ERCC6L2: variants seen among roughly 807,000 people sequenced by gnomAD.
ERCC6L2 encodes the protein ERCC excision repair 6 like 2, also known as DNA excision repair protein ERCC-6-like 2.
A neutral mutation model predicts 132.0 loss-of-function variants in ERCC6L2; 77 were observed. The observed-to-expected ratio is 0.58, with a 90% CI of 0.49 to 0.71. ERCC6L2 has a LOEUF of 0.71. Ranked by LOEUF, ERCC6L2 falls within the 30% of genes least tolerant of loss-of-function variation. The pLI is 0.00. For synonymous variants in ERCC6L2, 583 were observed against 632.4 expected, an observed-to-expected ratio of 0.92 and a Z score of 1.17; for missense variants, 1,542 against 1,837.6, an observed-to-expected ratio of 0.84 and a Z score of 2.94.
chr9:95,920,310 G>A (rs1360481085), intron 6 of ERCC6L2, among the ~76,000 whole-genome samples: 2 of 152,044 alleles, frequency 1.3e-5, no homozygotes, highest in Non-Finnish European at 2.9e-5. Flanking sequence ...TCAATATGAA[G>A]CCCTTTATGA....
intron 17 of ERCC6L2, among the ~76,000 whole-genome samples, chr9:95,995,740 ATATC>A (rs1564292540): frequency 6.6e-6 from 1 of 152,168 alleles, no homozygotes; most frequent in African/African-American, 2.4e-5. Flanking sequence ...CGTTATTATT[ATATC>A]TGTTAAGGTG....
Position 96,013,990 on chromosome 9 carries a change from T to A in ERCC6L2, c.*787T>A, listed in dbSNP as rs1652025491. The A allele has an allele frequency of 6.6e-6, 1 of 152,236 alleles. No homozygotes were observed. Among genetic ancestry groups the A allele is most frequent in the African/African-American group, 2.4e-5 (1 of 41,458 alleles). 9.4% of individuals were successfully genotyped at this position (152,236 alleles called of 1,614,324 possible). ...AAACTTTTTATTTTGTTAGAAACTG[T>A]TATATTTTGAGTGTAATATTTATGG... is the stretch of plus-strand genomic sequence containing the variant. On this transcript the variant is annotated 3_prime_UTR_variant, in exon 19 of 19. Coordinates refer to ENST00000653738, the MANE Select transcript of ERCC6L2 (RefSeq NM_020207.7).
At position 96,001,797 on chromosome 9, in the gene ERCC6L2, G is replaced by A. The variant is rs975001428; in HGVS notation, c.3493-2723G>A. On this transcript the variant is annotated intron_variant, in intron 17 of 18. Coordinates refer to ENST00000653738, the MANE Select transcript of ERCC6L2 (RefSeq NM_020207.7). ...GGCGCTCGTCGGGGAGGCTTGGGCC[G>A]CACAGGAGCCCATGGAGTGGGTGGG... Among the ~76,000 whole-genome samples, 46 of 152,356 alleles carry A rather than the reference G, an allele frequency of 3.0e-4. 1 individual carries two copies. In the Middle Eastern group the frequency reaches 0.014, roughly 45 times the overall value.
intron 4 of ERCC6L2, among the ~76,000 whole-genome samples, chr9:95,913,460 C>T (rs1038770740): frequency 3.0e-5 from 4 of 133,116 alleles, no homozygotes; most frequent in Admixed American, 7.8e-5. Flanking sequence ...CTTGCTTGCC[C>T]GCTTGCTTGC....
intron 6 of ERCC6L2, among the ~76,000 whole-genome samples, chr9:95,919,555 T>A (rs1466400109): frequency 6.6e-6 from 1 of 152,172 alleles, no homozygotes; most frequent in African/African-American, 2.4e-5. Context: ...TAAGGACCTT[T>A]AAGGCTCATT....
chr9:95,881,373 G>A, intron 2 of ERCC6L2, 80 bp downstream of exon 2: 1 of 1,103,376 alleles, frequency 9.1e-7, no homozygotes, highest in Non-Finnish European at 1.2e-6. Context: ...TATTTGTACT[G>A]CTGTTACGAT....
At chr9:96,022,601 A>G (rs1834309947), downstream of ERCC6L2, among the ~76,000 whole-genome samples, 1 of 152,114 alleles carries the variant, frequency 6.6e-6, no homozygotes, top group South Asian at 2.1e-4. Flanking sequence ...GACCCTTCCT[A>G]ACTGGGGTGG....
chr9:95,965,359 G>T (rs968968354), intron 13 of ERCC6L2, among the ~76,000 whole-genome samples: 1 of 152,034 alleles, frequency 6.6e-6, no homozygotes, highest in Non-Finnish European at 1.5e-5. Flanking sequence ...ATGATATAAG[G>T]TTGTAAGGAT....
chr9:95,967,870 T>C (rs917348194), intron 14 of ERCC6L2: 2 of 152,164 alleles, frequency 1.3e-5, no homozygotes, highest in Admixed American at 1.3e-4. Flanking sequence ...ACCCAGCTGC[T>C]ACCTCCATCT....
downstream of ERCC6L2, among the ~76,000 whole-genome samples, chr9:96,019,577 C>T (rs556460507): frequency 6.6e-6 from 1 of 152,206 alleles, no homozygotes; most frequent in Non-Finnish European, 1.5e-5. Context: ...GACCTGCCCA[C>T]TGTTGCCTGA....
intron 12 of ERCC6L2, among the ~76,000 whole-genome samples, chr9:95,948,004 G>A (rs1831144534): frequency 6.6e-6 from 1 of 152,220 alleles, no homozygotes; most frequent in Non-Finnish European, 1.5e-5. Context: ...CATCCATTCT[G>A]TAGCCCATGG....
chr9:95,879,199 A>T (rs1036973487), intron 1 of ERCC6L2, among the ~76,000 whole-genome samples: 2 of 152,178 alleles, frequency 1.3e-5, no homozygotes, highest in Admixed American at 1.3e-4. Flanking sequence ...TTGCCATTCT[A>T]ACTGGTGTGA....
chr9:95,876,182 T>C, intron 1 of ERCC6L2, 98 bp downstream of exon 1: 5 of 1,136,322 alleles, frequency 4.4e-6, no homozygotes, highest in Non-Finnish European at 6.3e-6. Flanking sequence ...TTTTGCCCTG[T>C]AGATCCTCTT....
rs1830143908 is a variant in ERCC6L2 at position 95,927,348 on chromosome 9, ACTTTGTATAGAAAATTT to A, written c.1534-726_1534-710del. On this transcript the variant is annotated intron_variant, in intron 9 of 18. Transcript: ENST00000653738. ...TGTTTCATCTTTCAGAAGAATTTAG[ACTTTGTATAGAAAATTT>A]CTTTTTCCCCTCTGTGGATTGCTTT... is the stretch of plus-strand genomic sequence containing the variant. Among the ~76,000 whole-genome samples the A allele has an allele frequency of 2.0e-5, 3 of 152,220 alleles. 1 individual carries two copies. In the South Asian group the frequency reaches 6.2e-4, roughly 32 times the overall value.
At position 95,981,299 on chromosome 9, in the gene ERCC6L2, CA is replaced by C. The variant is rs1054606454; in HGVS notation, c.3492+3088del. ...TTGATGTACAGTAATTATTGATAAC[CA>C]AAATGACAAAAACTGAATCTACTCT... On this transcript the variant is annotated intron_variant, in intron 17 of 18. Transcript: ENST00000653738. Among the ~76,000 whole-genome samples, 18 of 151,992 alleles carry C rather than the reference CA, an allele frequency of 1.2e-4. 1 individual carries two copies. The highest frequency in any genetic ancestry group is 1.2e-3 in the Admixed American group (18 of 15,252).
At chr9:95,919,844 C>G (rs905569922) in intron 6 of ERCC6L2, among the ~76,000 whole-genome samples, 1 of 152,108 alleles carries the variant, frequency 6.6e-6, no homozygotes, top group African/African-American at 2.4e-5. Context: ...AATTCAAGAG[C>G]TAATTTAAAG....
Position 96,012,709 on chromosome 9 carries a change from A to G in ERCC6L2, c.4159A>G (p.Ser1387Gly). The change falls in exon 19 of 19, where the codon AGT (serine) becomes GGT (glycine). Residue 1387 changes from serine to glycine, a missense_variant. By Grantham distance (56) the Ser-to-Gly change is moderately conservative. This residue lies in a region of ERCC6L2 where 442 missense variants were observed against 583.4 expected (regional missense o/e 0.76). Coordinates refer to ENST00000653738, the MANE Select transcript of ERCC6L2 (RefSeq NM_020207.7). ...TACTGTGACATCCCGTTCTCTGAAC[A>G]GTGAGTCTGAAACACGTGAGAGAAG... is the stretch of plus-strand genomic sequence containing the variant. ...EDTVTSRSLN[S>G]ESETRERRLE... is the part of the protein sequence containing the mutation. 6 of 1,367,688 alleles carry G rather than the reference A, an allele frequency of 4.4e-6. No homozygotes were observed. Among genetic ancestry groups the G allele is most frequent in the Non-Finnish European group, 5.9e-6 (6 of 1,021,854 alleles). 84.7% of individuals were successfully genotyped at this position (1,367,688 alleles called of 1,614,324 possible).
At chr9:95,889,464 T>C (rs937313411) in intron 2 of ERCC6L2, among the ~76,000 whole-genome samples, 1 of 151,858 alleles carries the variant, frequency 6.6e-6, no homozygotes, top group Admixed American at 6.6e-5. Flanking sequence ...TATCTGTCAA[T>C]ATATGTGTGT....
intron 3 of ERCC6L2, among the ~76,000 whole-genome samples, chr9:95,903,881 C>T (rs1828901649): frequency 5.3e-5 from 8 of 151,982 alleles, no homozygotes; most frequent in Admixed American, 5.2e-4. Flanking sequence ...TCGTATTTAT[C>T]TCTACAATCT....
Sources: allele counts gnomAD v4.1 joint callset (sites outside exome capture counted in the v4.1 genomes callset), GRCh38; gene constraint gnomAD v4.1.1; regional missense constraint gnomAD v4.1.1; transcripts MANE v1.5; gene names NCBI Gene and HGNC (gene_info 2026-07-23, HGNC 2026-07-21).